The following TIAM1 variants were observed in gnomAD, a reference collection of about 807,000 sequenced individuals.
TIAM1 encodes TIAM Rac1 associated GEF 1.
A neutral mutation model predicts 163.5 loss-of-function variants in TIAM1; 65 were observed. The ratio of observed to expected loss-of-function variants is 0.40; its 90% CI spans 0.33 to 0.49. The LOEUF (loss-of-function observed/expected upper bound fraction) is 0.49, where lower values mean the gene tolerates loss of function less well. Ranked by LOEUF, TIAM1 falls within the 20% of genes least tolerant of loss-of-function variation. The pLI is 0.77. For missense variants in TIAM1, 1,789 were observed against 2,044.7 expected (o/e 0.87, Z 2.41); for synonymous variants, 833 against 810.1 (o/e 1.03, Z -0.48).
chr21:31,181,905 C>T (rs571011432), intron 15 of TIAM1, among the ~76,000 whole-genome samples: 1 of 150,406 alleles, frequency 6.6e-6, no homozygotes, highest in African/African-American at 2.4e-5. Flanking sequence ...CTGACTCAGC[C>T]TCCCAAGTAG....
intron 7 of TIAM1, 132 bp downstream of exon 7, chr21:31,225,594 T>C (rs1241767405): frequency 1.4e-6 from 1 of 710,210 alleles, no homozygotes; most frequent in Non-Finnish European, 2.3e-6. Flanking sequence ...GTAAAGAACT[T>C]AGCATCCTGG....
chr21:31,514,524 A>C (rs1423709560), intron 1 of TIAM1, among the ~76,000 whole-genome samples: 1 of 129,902 alleles, frequency 7.7e-6, no homozygotes, highest in African/African-American at 3.1e-5. Flanking sequence ...CTAAAAATAC[A>C]AAAAAAAAAA....
chr21:31,148,707 G>T (rs180857239), intron 19 of TIAM1, among the ~76,000 whole-genome samples: 1 of 151,870 alleles, frequency 6.6e-6, no homozygotes, highest in Non-Finnish European at 1.5e-5. Context: ...TATTCCTCCC[G>T]CCTTAAAAAT....
At chr21:31,520,275 G>A (rs556625280) in intron 1 of TIAM1, among the ~76,000 whole-genome samples, 11 of 150,952 alleles carry the variant, frequency 7.3e-5, no homozygotes, top group African/African-American at 1.5e-4. Context: ...AGGTTGTGGC[G>A]AGCTGAGATC....
chr21:31,553,430 T>C (rs886490745), intron 1 of TIAM1, among the ~76,000 whole-genome samples: 2 of 152,188 alleles, frequency 1.3e-5, no homozygotes, highest in Non-Finnish European at 2.9e-5. Flanking sequence ...AGGGTCCTGT[T>C]AAGTTTCAAA....
intron 4 of TIAM1, among the ~76,000 whole-genome samples, chr21:31,265,498 G>A (rs959541436): frequency 2.0e-5 from 3 of 151,786 alleles, no homozygotes; most frequent in South Asian, 2.1e-4. Context: ...AATGGCTCCC[G>A]GTAAGGCAGC....
Position 31,130,924 on chromosome 21 carries a change from A to C in TIAM1, c.3908T>G (p.Val1303Gly), listed in dbSNP as rs2082391923. Residue 1303 changes from valine (V) to glycine (G), a missense_variant, in exon 24 of 28, where the codon GTG becomes GGG. By Grantham distance (109) the Val-to-Gly change is moderately radical. Coordinates refer to ENST00000541036, the MANE Select transcript of TIAM1 (RefSeq NM_001353694.2). ...CTTCTGTTTGGAACCATCTTTATAC[A>C]CAAGGACCACAGCAGTTTTGAAGAC... ...AFVFKTAVVL[V>G]YKDGSKQKKK... 6.2e-7 allele frequency: 1 copy of C among 1,613,938 alleles called. No homozygotes were observed. Among genetic ancestry groups the C allele is most frequent in the South Asian group, 1.1e-5 (1 of 91,092 alleles).
chr21:31,227,709 T>G (rs1020570715), intron 6 of TIAM1, among the ~76,000 whole-genome samples: 1 of 152,228 alleles, frequency 6.6e-6, no homozygotes, highest in South Asian at 2.1e-4. Flanking sequence ...CTTTATTTTA[T>G]AGTTGTCTCC....
intron 1 of TIAM1, among the ~76,000 whole-genome samples, chr21:31,539,950 G>C (rs2123268037): frequency 6.6e-6 from 1 of 152,118 alleles, no homozygotes; most frequent in Non-Finnish European, 1.5e-5. Flanking sequence ...TCAGCTACTT[G>C]GGAGGCTGAG....
At chr21:31,471,103 G>A (rs918714644) in intron 1 of TIAM1, among the ~76,000 whole-genome samples, 5 of 152,160 alleles carry the variant, frequency 3.3e-5, no homozygotes, top group African/African-American at 4.8e-5. Context: ...GAAAACCTCC[G>A]GGCTGCTGAG....
intron 24 of TIAM1, 81 bp from the exon 25 acceptor site, chr21:31,130,396 C>G (rs2082368995): frequency 9.0e-7 from 1 of 1,116,796 alleles, no homozygotes; most frequent in Middle Eastern, 2.0e-4. Context: ...AAACCAGCGA[C>G]AGACTCTCAC....
rs745624257 is a variant in TIAM1, at chr21:31,130,334, C to T, written c.3943-19G>A. 7 of 1,598,086 alleles carry T rather than the reference C, an allele frequency of 4.4e-6. No homozygotes were observed. The highest frequency in any genetic ancestry group is 2.2e-5 in the East Asian group (1 of 44,794). On this transcript the variant is annotated intron_variant, in intron 24 of 27. Transcript: ENST00000541036. The stretch of plus-strand genomic sequence containing the variant: ...ATCCTACCTGCAGAGGAGAAGGAAC[C>T]AGCTGCATAAGAAGAATCTAACCTG...
intron 6 of TIAM1, among the ~76,000 whole-genome samples, chr21:31,238,177 T>A (rs1401386709): frequency 6.6e-6 from 1 of 152,210 alleles, no homozygotes; most frequent in Non-Finnish European, 1.5e-5. Context: ...GGGGCTGGAA[T>A]AACCTACACA....
chr21:31,168,094 A>AT lies in TIAM1; in HGVS notation c.2888-3030dup, dbSNP rs11307082. On this transcript the variant is annotated intron_variant, in intron 15 of 27. Coordinates refer to ENST00000541036, the MANE Select transcript of TIAM1 (RefSeq NM_001353694.2). ...AGGTTTCTTCCCTGAGATTCTTATT[A>AT]TTTTTTTTTTTTTTTGGAGACGTAG... is the stretch of plus-strand genomic sequence containing the variant. 4.9e-3 allele frequency among the ~76,000 whole-genome samples: 700 copies of AT among 141,750 alleles called. 6 individuals are homozygous for AT. Among genetic ancestry groups the AT allele is most frequent in the Admixed American group, 0.016 (226 of 14,256 alleles). The allele number at this position is 141,750 out of a possible 152,430, so 93.0% of individuals were successfully genotyped here. A position where few individuals can be genotyped will look rare whatever the true frequency, so the allele number is the denominator to read the frequency against.
chr21:31,210,643 AAG>A lies in TIAM1; in HGVS notation c.2218-430_2218-429del, dbSNP rs1491011170. ...AAAGAAAGAAAGAAAGAAAGAAAGA[AAG>A]AAAGAAAGAAAGAAAGAAAGAAAAA... On this transcript the variant is annotated intron_variant, in intron 10 of 27. Transcript: ENST00000541036. Among the ~76,000 whole-genome samples the A allele has an allele frequency of 2.6e-3, 63 of 24,538 alleles. 2 individuals are homozygous for A. Among genetic ancestry groups the A allele is most frequent in the South Asian group, 6.0e-3 (4 of 668 alleles). 16.1% of individuals were successfully genotyped at this position (24,538 alleles called of 152,430 possible).
intron 16 of TIAM1, among the ~76,000 whole-genome samples, chr21:31,162,434 T>C (rs2083972717): frequency 6.6e-6 from 1 of 152,140 alleles, no homozygotes; most frequent in Non-Finnish European, 1.5e-5. Context: ...AAAGGTTATT[T>C]TAGCTAACTA....
At chr21:31,328,553 T>C (rs951044576) in intron 2 of TIAM1, among the ~76,000 whole-genome samples, 1 of 151,838 alleles carries the variant, frequency 6.6e-6, no homozygotes, top group South Asian at 2.1e-4. Context: ...ATTTTTTTTT[T>C]TTATTTTGCT....
At chr21:31,425,666 T>C (rs28600145) in intron 2 of TIAM1, among the ~76,000 whole-genome samples, 2 of 129,956 alleles carry the variant, frequency 1.5e-5, no homozygotes, top group East Asian at 2.9e-4. Context: ...TCTTTCTCTC[T>C]CTCTTTCTTT....
chr21:31,444,169 G>A (rs951531667), intron 2 of TIAM1, among the ~76,000 whole-genome samples: 6 of 152,154 alleles, frequency 3.9e-5, no homozygotes, highest in African/African-American at 1.4e-4. Context: ...AAGATAAGCT[G>A]TCCCACGGAA....
Sources: allele counts gnomAD v4.1 joint callset (sites outside exome capture counted in the v4.1 genomes callset), GRCh38; gene constraint gnomAD v4.1.1; transcripts MANE v1.5; gene names NCBI Gene and HGNC (gene_info 2026-07-23, HGNC 2026-07-21).